Variants in SUMF1 observed in about 807,000 individuals in gnomAD.
SUMF1 encodes formylglycine-generating enzyme.
SUMF1 carries 48 observed loss-of-function variants against 47.6 expected under a neutral mutation model. The ratio of observed to expected loss-of-function variants is 1.01; its 90% CI spans 0.80 to 1.28. SUMF1 has a LOEUF of 1.28. SUMF1 is among the 50% of genes most tolerant of loss of function. The pLI is 0.00. For synonymous variants in SUMF1, 230 were observed against 192.1 expected (o/e 1.20, Z -1.63); for missense variants, 571 against 485.4 (o/e 1.18, Z -1.66).
In SUMF1 at chr3:4,242,054, GGTATGATCCTT is replaced by G. The variant is rs1204587562; in HGVS notation, c.1014+134265_1014+134275del. ...AAGATAGCTGGCTCGTTGGTCTAGGGGTATGATCCTTGCCCTCTGTTTGCCTGTTCTTGGTG... is the reference window on the plus strand; with the variant it reads ...AAGATAGCTGGCTCGTTGGTCTAGGGGCCCTCTGTTTGCCTGTTCTTGGTG... On this transcript the variant is annotated intron_variant and NMD_transcript_variant, in intron 8 of 12. Transcript: ENST00000448413. 2.0e-5 allele frequency among the ~76,000 whole-genome samples: 3 copies of G among 151,972 alleles called. No homozygotes were observed. The East Asian group carries it at 5.8e-4, about 29-fold the overall frequency.
intron 8 of SUMF1, among the ~76,000 whole-genome samples, chr3:4,075,819 C>A (rs1007206103): frequency 6.6e-6 from 1 of 152,112 alleles, no homozygotes. Context: ...CTACAAACCA[C>A]TGCTCAATGA....
intron 8 of SUMF1, among the ~76,000 whole-genome samples, chr3:4,270,032 T>C (rs773875829): frequency 7.9e-5 from 12 of 152,264 alleles, no homozygotes; most frequent in South Asian, 2.1e-4. Flanking sequence ...ACAGAAGTAC[T>C]ACAAATAAGG....
chr3:4,199,186 G>A (rs1695490929), intron 8 of SUMF1, among the ~76,000 whole-genome samples: 1 of 152,052 alleles, frequency 6.6e-6, no homozygotes, highest in Non-Finnish European at 1.5e-5. Context: ...ACAGAAACCT[G>A]ATCTTCTGTC....
intron 3 of SUMF1, among the ~76,000 whole-genome samples, chr3:4,430,657 G>T (rs1004523031): frequency 6.6e-6 from 1 of 152,046 alleles, no homozygotes; most frequent in Non-Finnish European, 1.5e-5. Flanking sequence ...AGCCCCCGGG[G>T]ATACAGAACC....
At chr3:4,255,582 G>T (rs1575025679) in intron 8 of SUMF1, among the ~76,000 whole-genome samples, 1 of 83,782 alleles carries the variant, frequency 1.2e-5, no homozygotes. Context: ...AAATATATAT[G>T]CACCCAACAC....
rs559377190 is a variant in SUMF1 at position 4,377,511 on chromosome 3, C to T, written c.955-1122G>A. Reference sequence around the variant, plus strand: ...ATGCTCTGAGGCACTCCACTGCGCTCCCACTTAGAGACAAGAAGTGTAGGA... The same window carrying T: ...ATGCTCTGAGGCACTCCACTGCGCTTCCACTTAGAGACAAGAAGTGTAGGA... On this transcript the variant is annotated intron_variant, in intron 7 of 8. Transcript: ENST00000272902. Among the ~76,000 whole-genome samples the T allele has an allele frequency of 2.6e-5, 4 of 152,222 alleles. No individual in the cohort carries two copies. In the South Asian group the frequency reaches 8.3e-4, roughly 32 times the overall value.
chr3:4,202,797 G>A (rs1050429132), intron 8 of SUMF1, among the ~76,000 whole-genome samples: 5 of 151,660 alleles, frequency 3.3e-5, no homozygotes, highest in African/African-American at 9.7e-5. Context: ...TTGTTTTAAT[G>A]AATTTTTCAA....
intron 8 of SUMF1, among the ~76,000 whole-genome samples, chr3:4,206,258 C>A (rs534070995): frequency 2.8e-4 from 43 of 151,790 alleles, no homozygotes; most frequent in Non-Finnish European, 5.6e-4. Flanking sequence ...CTTTGGCTGC[C>A]CCAGCTGTAT....
intron 8 of SUMF1, among the ~76,000 whole-genome samples, chr3:4,100,188 AT>A (rs1222080234): frequency 6.6e-6 from 1 of 151,880 alleles, no homozygotes; most frequent in Admixed American, 6.6e-5. Context: ...TCGAAAAAAA[AT>A]CCTAAAATTC....
At chr3:4,396,224 G>A (rs1431470521) in intron 7 of SUMF1, among the ~76,000 whole-genome samples, 1 of 152,242 alleles carries the variant, frequency 6.6e-6, no homozygotes, top group Non-Finnish European at 1.5e-5. Context: ...CAGCATCATA[G>A]TCGGCCATTC....
At chr3:4,263,927 A>C (rs1697137428) in intron 8 of SUMF1, among the ~76,000 whole-genome samples, 1 of 152,198 alleles carries the variant, frequency 6.6e-6, no homozygotes, top group Non-Finnish European at 1.5e-5. Flanking sequence ...CAGAGGGCCC[A>C]AAGATAAGAA....
intron 8 of SUMF1, among the ~76,000 whole-genome samples, chr3:4,153,758 G>A (rs1053404818): frequency 2.6e-5 from 4 of 151,142 alleles, no homozygotes; most frequent in Non-Finnish European, 5.9e-5. Context: ...TTCCATTTCT[G>A]TATGTTGTAT....
chr3:4,302,841 G>A (rs1161512112), intron 8 of SUMF1, among the ~76,000 whole-genome samples: 1 of 152,076 alleles, frequency 6.6e-6, no homozygotes, highest in Non-Finnish European at 1.5e-5. Flanking sequence ...TGGAGAGGAG[G>A]GAAAAGGACA....
intron 8 of SUMF1, among the ~76,000 whole-genome samples, chr3:4,294,388 C>T (rs1697801624): frequency 6.6e-6 from 1 of 152,074 alleles, no homozygotes; most frequent in South Asian, 2.1e-4. Flanking sequence ...CACTGCAAGA[C>T]CCTATCTCTA....
At chr3:4,248,241 C>A (rs903118569) in intron 8 of SUMF1, among the ~76,000 whole-genome samples, 3 of 152,142 alleles carry the variant, frequency 2.0e-5, no homozygotes, top group African/African-American at 7.2e-5. Context: ...TCAACCTCAA[C>A]ATTCAGAATA....
chr3:4,057,026 G>A (rs566361025), intron 9 of SUMF1, among the ~76,000 whole-genome samples: 4 of 152,220 alleles, frequency 2.6e-5, no homozygotes, highest in Admixed American at 6.5e-5. Context: ...GATCACAGGC[G>A]TGAGCCACCG....
intron 8 of SUMF1, among the ~76,000 whole-genome samples, chr3:4,335,970 A>AAAC (rs1176305234): frequency 8.7e-5 from 13 of 149,498 alleles, no homozygotes; most frequent in African/African-American, 3.0e-4. Context: ...CAAAAAAAAA[A>AAAC]AAAAAAAAAA....
intron 8 of SUMF1, among the ~76,000 whole-genome samples, chr3:4,268,675 T>A (rs192124861): frequency 6.6e-5 from 10 of 151,096 alleles, no homozygotes; most frequent in Admixed American, 4.6e-4. Context: ...ACACAGAAAC[T>A]CAGATTAAAA....
rs184994144 is a variant in SUMF1, at chr3:4,193,207, C to G, written c.1015-124462G>C. Reference sequence around the variant, plus strand: ...AAATATGGGTATTATACATGAAGAACTGAAATTTTATTTTATTTTTAATTT... The same window carrying G: ...AAATATGGGTATTATACATGAAGAAGTGAAATTTTATTTTATTTTTAATTT... On this transcript the variant is annotated intron_variant and NMD_transcript_variant, in intron 8 of 12. Transcript: ENST00000448413. Among the ~76,000 whole-genome samples, 175 of 152,138 alleles carry G rather than the reference C, an allele frequency of 1.2e-3. 2 individuals are homozygous for G. The highest frequency in any genetic ancestry group is 1.7e-3 in the Non-Finnish European group (116 of 67,984).
Sources: allele counts gnomAD v4.1 joint callset (sites outside exome capture counted in the v4.1 genomes callset), GRCh38; gene constraint gnomAD v4.1.1; transcripts MANE v1.5; gene names NCBI Gene and HGNC (gene_info 2026-07-23, HGNC 2026-07-21).